Variants in SUPT3H observed in about 807,000 individuals in gnomAD.
SUPT3H encodes SPT3 homolog, SAGA and STAGA complex component, also known as transcription initiation protein SPT3 homolog.
Under a neutral mutation model 44.3 loss-of-function variants are expected in SUPT3H, and 44 were observed. The ratio of observed to expected loss-of-function variants is 0.99; its 90% CI spans 0.78 to 1.28. The LOEUF is 1.28. Among genes scored for constraint, SUPT3H ranks in the 50% most tolerant of loss-of-function variants. SUPT3H has a pLI of 0.00. For synonymous variants in SUPT3H, 124 were observed against 125.6 expected (o/e 0.99, Z 0.09); for missense variants, 380 against 387.1 (o/e 0.98, Z 0.15).
At chr6:45,034,446 A>C (rs1488295905) in intron 3 of SUPT3H, among the ~76,000 whole-genome samples, 1 of 152,184 alleles carries the variant, frequency 6.6e-6, no homozygotes, top group Admixed American at 6.6e-5. Context: ...GTGTCATATA[A>C]GTCTTTAGAA....
chr6:45,317,227 C>T (rs1484600015), intron 2 of SUPT3H, among the ~76,000 whole-genome samples: 1 of 36,084 alleles, frequency 2.8e-5, no homozygotes, highest in South Asian at 1.4e-3. Context: ...GACTCTGTCT[C>T]AAAAAAAAAA....
intron 6 of SUPT3H, among the ~76,000 whole-genome samples, chr6:44,976,172 T>C (rs1462662064): frequency 1.3e-5 from 2 of 150,116 alleles, no homozygotes; most frequent in Non-Finnish European, 2.9e-5. Flanking sequence ...AGGAAGAAAA[T>C]TTTTTTCCTG....
rs532251092 is a variant in SUPT3H at position 44,964,519 on chromosome 6, G to A, written c.505-2691C>T. Among the ~76,000 whole-genome samples the A allele has an allele frequency of 2.7e-3, 414 of 152,222 alleles. 1 individual carries two copies. The highest frequency in any genetic ancestry group is 9.6e-3 in the African/African-American group (399 of 41,520). On this transcript the variant is annotated intron_variant, in intron 6 of 10. Coordinates refer to ENST00000371459, the MANE Select transcript of SUPT3H (RefSeq NM_003599.4). ...GAAATGAGAGGTAGCAAAATTTGTC[G>A]TCAGAGGTTAAGGTTGCCAGGATTG...
chr6:45,255,861 T>G (rs1289459349), intron 2 of SUPT3H, among the ~76,000 whole-genome samples: 1 of 152,188 alleles, frequency 6.6e-6, no homozygotes, highest in Non-Finnish European at 1.5e-5. Context: ...TTGAGGACAT[T>G]TTTATCACAC....
chr6:45,244,783 CAT>C (rs1771038828), intron 2 of SUPT3H, among the ~76,000 whole-genome samples: 1 of 152,154 alleles, frequency 6.6e-6, no homozygotes, highest in South Asian at 2.1e-4. Context: ...CTAAAATACA[CAT>C]GTTCATTCCC....
chr6:45,276,384 C>T (rs1405022472), intron 2 of SUPT3H, among the ~76,000 whole-genome samples: 2 of 151,886 alleles, frequency 1.3e-5, no homozygotes, highest in Non-Finnish European at 1.5e-5. Flanking sequence ...TAATCAAATA[C>T]TATATAAAGA....
At chr6:44,811,699 C>A (rs1766537383) in intron 11 of SUPT3H, among the ~76,000 whole-genome samples, 1 of 152,218 alleles carries the variant, frequency 6.6e-6, no homozygotes. Flanking sequence ...AGGCTGTTGA[C>A]CAACAGTGGC....
intron 2 of SUPT3H, among the ~76,000 whole-genome samples, chr6:45,174,945 G>A (rs1748236): frequency 0.87 from 128,663 of 147,724 alleles, 56,256 homozygotes; most frequent in African/African-American, 0.91. Context: ...CGGGAGGTCA[G>A]GGTGAGAGGA....
At chr6:45,088,329 C>T (rs1796725618) in intron 3 of SUPT3H, among the ~76,000 whole-genome samples, 1 of 152,018 alleles carries the variant, frequency 6.6e-6, no homozygotes, top group Non-Finnish European at 1.5e-5. Flanking sequence ...ATACTGCATG[C>T]TATGAATCTT....
chr6:45,198,920 C>T (rs1471551312), intron 2 of SUPT3H, among the ~76,000 whole-genome samples: 1 of 151,138 alleles, frequency 6.6e-6, no homozygotes, highest in Non-Finnish European at 1.5e-5. Context: ...TAGAAAAATG[C>T]AACAGAATAG....
At chr6:45,283,996 T>C (rs953396045) in intron 2 of SUPT3H, among the ~76,000 whole-genome samples, 1 of 152,048 alleles carries the variant, frequency 6.6e-6, no homozygotes, top group African/African-American at 2.4e-5. Context: ...ACTGGGTACA[T>C]AATGAAATAT....
intron 3 of SUPT3H, among the ~76,000 whole-genome samples, chr6:45,093,068 A>G (rs558006025): frequency 5.9e-5 from 9 of 152,190 alleles, no homozygotes; most frequent in Non-Finnish European, 1.3e-4. Flanking sequence ...AACACAATGT[A>G]GTAAAATAAC....
intron 2 of SUPT3H, among the ~76,000 whole-genome samples, chr6:45,330,825 C>T (rs545208139): frequency 6.6e-6 from 1 of 151,916 alleles, no homozygotes; most frequent in African/African-American, 2.4e-5. Flanking sequence ...GAATAGAGAA[C>T]TTAACATCAA....
intron 10 of SUPT3H, among the ~76,000 whole-genome samples, chr6:44,918,385 T>C (rs1768137428): frequency 6.6e-6 from 1 of 152,208 alleles, no homozygotes; most frequent in South Asian, 2.1e-4. Flanking sequence ...GAAGGACTTG[T>C]AAGTAGATGC....
At chr6:45,173,782 T>G (rs764025567) in intron 2 of SUPT3H, among the ~76,000 whole-genome samples, 1 of 152,198 alleles carries the variant, frequency 6.6e-6, no homozygotes, top group Non-Finnish European at 1.5e-5. Context: ...TAACACTTCT[T>G]TAAGTCATGC....
chr6:45,090,556 A>G (rs1302270227), intron 3 of SUPT3H, among the ~76,000 whole-genome samples: 1 of 152,038 alleles, frequency 6.6e-6, no homozygotes, highest in Non-Finnish European at 1.5e-5. Context: ...GATAGAAAAT[A>G]CCAAAGTTAT....
chr6:44,984,529 A>T (rs923409717), intron 6 of SUPT3H, among the ~76,000 whole-genome samples: 3 of 152,140 alleles, frequency 2.0e-5, no homozygotes, highest in African/African-American at 7.2e-5. Context: ...TTTCCAAACA[A>T]CATGTCAAAT....
At chr6:45,064,762 A>G (rs1435511327) in intron 3 of SUPT3H, among the ~76,000 whole-genome samples, 5 of 146,020 alleles carry the variant, frequency 3.4e-5, no homozygotes, top group Non-Finnish European at 6.0e-5. Context: ...AGAGCTAACT[A>G]TCCTAAATAT....
At chr6:44,853,923 T>A (rs1408325283) in intron 10 of SUPT3H, among the ~76,000 whole-genome samples, 1 of 151,824 alleles carries the variant, frequency 6.6e-6, no homozygotes, top group African/African-American at 2.4e-5. Context: ...TCTAGATAGT[T>A]GAGGGGGAGG....
Sources: gnomAD v4.1 joint callset for allele counts (sites outside exome capture counted in the v4.1 genomes callset) on GRCh38, gnomAD v4.1.1 for gene constraint, MANE v1.5 for transcripts, NCBI Gene and HGNC (gene_info 2026-07-23, HGNC 2026-07-21) for gene names.